Variants in CDH7 observed in about 807,000 individuals in gnomAD.
CDH7 encodes cadherin 7.
A neutral mutation model predicts 71.8 loss-of-function variants in CDH7; 25 were observed. The observed-to-expected ratio is 0.35, with a 90% CI of 0.25 to 0.49. The LOEUF (loss-of-function observed/expected upper bound fraction) is 0.49. Ranked by LOEUF, CDH7 falls within the 20% of genes least tolerant of loss-of-function variation. The pLI, the probability that CDH7 is intolerant of heterozygous loss-of-function variation, is 0.99. For synonymous variants in CDH7, 381 were observed against 363.8 expected, an observed-to-expected ratio of 1.05 and a Z score of -0.54; for missense variants, 862 against 974.6, an observed-to-expected ratio of 0.88 and a Z score of 1.54.
At chr18:65,866,593 T>C (rs1457543894) in intron 11 of CDH7, among the ~76,000 whole-genome samples, 1 of 152,160 alleles carries the variant, frequency 6.6e-6, no homozygotes, top group Admixed American at 6.5e-5. Context: ...TAGGAGTACA[T>C]ATAACAAGTT....
At chr18:65,863,810 T>A (rs574126812) in intron 11 of CDH7, 1 of 152,340 alleles carries the variant, frequency 6.6e-6, no homozygotes, top group South Asian at 2.1e-4. Context: ...GTAACTCAGA[T>A]TTTGCAGCAT....
At chr18:65,794,144 A>G (rs1454049046) in intron 2 of CDH7, among the ~76,000 whole-genome samples, 1 of 150,424 alleles carries the variant, frequency 6.6e-6, no homozygotes, top group East Asian at 2.0e-4. Flanking sequence ...TGTTATGATA[A>G]ATAACATGTT....
chr18:65,871,696 G>C (rs1199765595), intron 11 of CDH7, among the ~76,000 whole-genome samples: 2 of 152,160 alleles, frequency 1.3e-5, no homozygotes, highest in South Asian at 4.1e-4. Context: ...ATTAAACTTA[G>C]AAATTTTGAA....
At position 65,817,758 on chromosome 18, in the gene CDH7, A is replaced by C. The variant is rs141365861; in HGVS notation, c.625+3154A>C. On this transcript the variant is annotated intron_variant, in intron 4 of 11. Coordinates refer to ENST00000397968, the MANE Select transcript of CDH7 (RefSeq NM_004361.5). ...ATTTGATTTACTGATAAATGTCTGT[A>C]ATAAAAGTGCCATACTTGATTTTAT... Among the ~76,000 whole-genome samples the C allele has an allele frequency of 2.8e-3, 419 of 152,296 alleles. 4 individuals are homozygous for C. The highest frequency in any genetic ancestry group is 9.5e-3 in the African/African-American group (397 of 41,576).
At chr18:65,802,871 C>T (rs1297488754) in intron 2 of CDH7, among the ~76,000 whole-genome samples, 1 of 151,912 alleles carries the variant, frequency 6.6e-6, no homozygotes, top group African/African-American at 2.4e-5. Context: ...TCTTTTGGTC[C>T]CTGATGAAAA....
chr18:65,759,919 A>C (rs1916144544), intron 1 of CDH7, among the ~76,000 whole-genome samples: 1 of 152,166 alleles, frequency 6.6e-6, no homozygotes, highest in Admixed American at 6.5e-5. Flanking sequence ...GAAATAAAGA[A>C]TTATACATAT....
At chr18:65,845,247 A>G (rs1420369554) in intron 7 of CDH7, among the ~76,000 whole-genome samples, 1 of 151,814 alleles carries the variant, frequency 6.6e-6, no homozygotes, top group African/African-American at 2.4e-5. Context: ...AGAACTAGTA[A>G]AGGATTGGTA....
Position 65,787,020 on chromosome 18 carries a change from CT to C in CDH7, c.211-22674del, listed in dbSNP as rs377206336. On this transcript the variant is annotated intron_variant, in intron 2 of 11. Transcript: ENST00000397968. ...TAAGTTTCATGCCCATCAATGAAAA[CT>C]TTTTTTTTTCCCTGACACAAGACTG... Among the ~76,000 whole-genome samples, 769 of 149,832 alleles carry C rather than the reference CT, an allele frequency of 5.1e-3. 5 individuals are homozygous for C. The highest frequency in any genetic ancestry group is 0.017 in the African/African-American group (709 of 40,858).
rs773946370 is a variant in CDH7, at chr18:65,880,701, C to A, written c.2165C>A (p.Pro722His). 6 of 1,614,054 alleles carry A rather than the reference C, an allele frequency of 3.7e-6. No individual in the cohort carries two copies. The South Asian group carries it at 5.5e-5, about 15-fold the overall frequency. Residue 722 changes from proline (P) to histidine (H), a missense_variant, in exon 12 of 12, where the codon CCT (proline) becomes CAT (histidine). Physicochemically the swap from Pro to His is moderately conservative, Grantham distance 77 (BLOSUM62 -2). Transcript: ENST00000397968. Reference sequence around the variant, plus strand: ...AGATTAAAAGAAGCCGATGTTGATCCTGGTGCTCCTCCTTATGACTCCCTG... The same window carrying A: ...AGATTAAAAGAAGCCGATGTTGATCATGGTGCTCCTCCTTATGACTCCCTG... ...WERLKEADVDPGAPPYDSLQT... is the reference protein window; with the variant it reads ...WERLKEADVDHGAPPYDSLQT...
intron 2 of CDH7, among the ~76,000 whole-genome samples, chr18:65,767,468 A>G (rs1170995031): frequency 6.6e-6 from 1 of 152,214 alleles, no homozygotes; most frequent in East Asian, 1.9e-4. Flanking sequence ...GAGCGACAAG[A>G]AAGAGCATAG....
At chr18:65,790,669 G>A (rs930763239) in intron 2 of CDH7, among the ~76,000 whole-genome samples, 10 of 152,270 alleles carry the variant, frequency 6.6e-5, no homozygotes, top group African/African-American at 2.4e-4. Flanking sequence ...AGGAGTCCAA[G>A]ACCAGCCTGG....
At chr18:65,834,349 G>A (rs1912459690) in intron 6 of CDH7, among the ~76,000 whole-genome samples, 1 of 152,126 alleles carries the variant, frequency 6.6e-6, no homozygotes, top group South Asian at 2.1e-4. Context: ...AAGCTCTATA[G>A]TACATTCTTA....
chr18:65,770,899 C>G (rs1206651422), intron 2 of CDH7, among the ~76,000 whole-genome samples: 1 of 152,102 alleles, frequency 6.6e-6, no homozygotes, highest in African/African-American at 2.4e-5. Flanking sequence ...GTTTCCATAA[C>G]AAAATATCAG....
chr18:65,804,631 T>A (rs1911245332), intron 2 of CDH7, among the ~76,000 whole-genome samples: 1 of 151,806 alleles, frequency 6.6e-6, no homozygotes, highest in Admixed American at 6.6e-5. Flanking sequence ...GGGTAAAAAT[T>A]TAATGAAGGT....
intron 2 of CDH7, among the ~76,000 whole-genome samples, chr18:65,783,851 A>G (rs1447483505): frequency 6.6e-6 from 1 of 152,190 alleles, no homozygotes; most frequent in Non-Finnish European, 1.5e-5. Context: ...AACAAAATCA[A>G]ATTTAAAAAA....
rs1914388666 is a variant in CDH7 at position 65,886,987 on chromosome 18, A to T, written c.*6093A>T. ...TTAGTTATCTGGTTATTTTATGCTC[A>T]TGTGAACAGACACTAGAAACAAATA... On this transcript the variant is annotated 3_prime_UTR_variant, in exon 12 of 12. Transcript: ENST00000397968. 6.6e-6 allele frequency: 1 copy of T among 152,194 alleles called. No homozygotes were observed. Among genetic ancestry groups the T allele is most frequent in the Non-Finnish European group, 1.5e-5 (1 of 68,012 alleles). The allele number at this position is 152,194 out of a possible 1,614,324, so 9.4% of individuals were successfully genotyped here.
intron 2 of CDH7, among the ~76,000 whole-genome samples, chr18:65,809,316 C>A (rs551508941): frequency 1.3e-5 from 2 of 152,104 alleles, no homozygotes; most frequent in African/African-American, 2.4e-5. Flanking sequence ...TACAAATGTT[C>A]TATAGAAAGT....
At chr18:65,778,731 G>T (rs1910061924) in intron 2 of CDH7, among the ~76,000 whole-genome samples, 2 of 148,954 alleles carry the variant, frequency 1.3e-5, no homozygotes, top group South Asian at 4.3e-4. Flanking sequence ...AATACACTTT[G>T]ATTGAACTAA....
chr18:65,800,012 G>A (rs1042635277), intron 2 of CDH7, among the ~76,000 whole-genome samples: 2 of 152,126 alleles, frequency 1.3e-5, no homozygotes, highest in African/African-American at 4.8e-5. Context: ...GTTCCCTTTT[G>A]AGTAAAATAT....
Sources: gnomAD v4.1 joint callset for allele counts (sites outside exome capture counted in the v4.1 genomes callset) on GRCh38, gnomAD v4.1.1 for gene constraint, MANE v1.5 for transcripts, NCBI Gene and HGNC (gene_info 2026-07-23, HGNC 2026-07-21) for gene names.